The following RBPMS variants were observed in gnomAD, a reference collection of about 807,000 sequenced individuals.
RBPMS encodes the protein RNA-binding protein with multiple splicing.
A neutral mutation model predicts 26.8 loss-of-function variants in RBPMS; 7 were observed. That is an observed-to-expected ratio of 0.26 (90% CI 0.15 to 0.49). The LOEUF (loss-of-function observed/expected upper bound fraction) is 0.49. Ranked by LOEUF, RBPMS falls within the 20% of genes least tolerant of loss-of-function variation. The probability of loss-of-function intolerance (pLI) is 0.98; values close to 1 mark genes in which losing one functional copy is unlikely to be tolerated. For missense variants in RBPMS, 186 were observed against 250.0 expected (o/e 0.74, Z 1.73); for synonymous variants, 96 against 93.3 (o/e 1.03, Z -0.17).
At chr8:30,524,965 C>G (rs1213387318) in intron 5 of RBPMS, among the ~76,000 whole-genome samples, 2 of 152,080 alleles carry the variant, frequency 1.3e-5, no homozygotes, top group African/African-American at 2.4e-5. Context: ...ACCATTTTTG[C>G]TAGCACTTTA....
At chr8:30,459,013 G>A (rs1006022282) in intron 1 of RBPMS, among the ~76,000 whole-genome samples, 6 of 150,790 alleles carry the variant, frequency 4.0e-5, no homozygotes, top group African/African-American at 1.5e-4. Flanking sequence ...ACCCAAGCTG[G>A]GGTGCAGTGG....
chr8:30,512,452 GT>G (rs563689008), intron 5 of RBPMS, among the ~76,000 whole-genome samples: 1 of 151,622 alleles, frequency 6.6e-6, no homozygotes, highest in Non-Finnish European at 1.5e-5. Context: ...CCAAAGCATT[GT>G]TTTTTTTGTT....
chr8:30,477,346 G>A (rs1438393242), intron 2 of RBPMS, among the ~76,000 whole-genome samples: 1 of 152,156 alleles, frequency 6.6e-6, no homozygotes, highest in African/African-American at 2.4e-5. Flanking sequence ...ACCGCACCCA[G>A]CCCCAACTAT....
intron 5 of RBPMS, among the ~76,000 whole-genome samples, chr8:30,515,560 C>T (rs1313171260): frequency 6.6e-6 from 1 of 152,110 alleles, no homozygotes; most frequent in African/African-American, 2.4e-5. Flanking sequence ...AAACTAGATA[C>T]TAAAGAGATT....
At chr8:30,551,335 T>G (rs1166775307) in intron 6 of RBPMS, among the ~76,000 whole-genome samples, 1 of 152,220 alleles carries the variant, frequency 6.6e-6, no homozygotes, top group Non-Finnish European at 1.5e-5. Flanking sequence ...TAGGAGGAAA[T>G]GCCGTTCAGA....
intron 1 of RBPMS, among the ~76,000 whole-genome samples, chr8:30,449,413 C>A (rs1814278310): frequency 1.3e-5 from 2 of 149,190 alleles, no homozygotes; most frequent in African/African-American, 2.5e-5. Flanking sequence ...GACTCTTGCC[C>A]CGGCTGGAGT....
intron 8 of RBPMS, among the ~76,000 whole-genome samples, chr8:30,570,295 C>A (rs762872079): frequency 6.6e-6 from 1 of 152,186 alleles, no homozygotes; most frequent in Non-Finnish European, 1.5e-5. Flanking sequence ...TGATTGATTG[C>A]CTTCTGCATA....
At chr8:30,503,654 A>G (rs1347666251) in intron 4 of RBPMS, among the ~76,000 whole-genome samples, 5 of 152,020 alleles carry the variant, frequency 3.3e-5, no homozygotes, top group African/African-American at 4.8e-5. Context: ...CATTCAGAAC[A>G]CTAAATGGCA....
chr8:30,393,288 C>G (rs961962173), intron 1 of RBPMS, among the ~76,000 whole-genome samples: 6 of 151,616 alleles, frequency 4.0e-5, no homozygotes, highest in Non-Finnish European at 8.8e-5. Flanking sequence ...TTATAAACCT[C>G]CCAAACTTGC....
At chr8:30,387,160 G>A (rs1348422658) in intron 1 of RBPMS, 1 of 152,110 alleles carries the variant, frequency 6.6e-6, no homozygotes, top group African/African-American at 2.4e-5. Flanking sequence ...GGTCTTTTTA[G>A]CAAAACACTT....
At chr8:30,500,580 G>T (rs1259907777) in intron 4 of RBPMS, among the ~76,000 whole-genome samples, 1 of 152,120 alleles carries the variant, frequency 6.6e-6, no homozygotes, top group Non-Finnish European at 1.5e-5. Context: ...GACTGTATCA[G>T]GTATGAGGGT....
At chr8:30,450,111 C>T (rs1301159268) in intron 1 of RBPMS, among the ~76,000 whole-genome samples, 1 of 152,168 alleles carries the variant, frequency 6.6e-6, no homozygotes, top group African/African-American at 2.4e-5. Flanking sequence ...TTCCTTTTCC[C>T]AAATAACTTT....
At chr8:30,502,498 G>A (rs1043248587) in intron 4 of RBPMS, among the ~76,000 whole-genome samples, 2 of 152,202 alleles carry the variant, frequency 1.3e-5, no homozygotes, top group Non-Finnish European at 2.9e-5. Context: ...CTCAGGTTTA[G>A]GAAAGTTGCT....
At chr8:30,562,740 C>T (rs1346151228) in intron 7 of RBPMS, among the ~76,000 whole-genome samples, 2 of 152,154 alleles carry the variant, frequency 1.3e-5, no homozygotes, top group Non-Finnish European at 2.9e-5. Flanking sequence ...ATGGCTCTCT[C>T]CGTTCGGCGG....
chr8:30,481,563 G>C (rs1818281689), intron 4 of RBPMS, among the ~76,000 whole-genome samples: 1 of 151,358 alleles, frequency 6.6e-6, no homozygotes, highest in South Asian at 2.1e-4. Flanking sequence ...TTTTTCACTG[G>C]CAGTACGCCT....
chr8:30,546,573 A>C (rs1338536738), intron 6 of RBPMS, among the ~76,000 whole-genome samples: 1 of 152,182 alleles, frequency 6.6e-6, no homozygotes, highest in Non-Finnish European at 1.5e-5. Context: ...TGCACTGCCC[A>C]TGGTGGCACC....
At chr8:30,518,687 CTTTTTTTTT>C (rs58763494) in intron 5 of RBPMS, among the ~76,000 whole-genome samples, 585 of 18,254 alleles carry the variant, frequency 0.032, 28 homozygotes, top group East Asian at 0.14. Flanking sequence ...CCAAGCATGA[CTTTTTTTTT>C]TTTTTTTTTT....
chr8:30,557,523 C>T (rs1827048525), intron 6 of RBPMS, among the ~76,000 whole-genome samples: 1 of 152,226 alleles, frequency 6.6e-6, no homozygotes, highest in East Asian at 1.9e-4. Flanking sequence ...AGCTTTCCAC[C>T]AGTCCCTTCA....
At chr8:30,386,131 G>A (rs184394639) in intron 1 of RBPMS, among the ~76,000 whole-genome samples, 9 of 151,022 alleles carry the variant, frequency 6.0e-5, no homozygotes, top group Admixed American at 1.3e-4. Flanking sequence ...GAAAGTGCAC[G>A]TCTAAATATG....
Sources: allele counts gnomAD v4.1 joint callset (sites outside exome capture counted in the v4.1 genomes callset), GRCh38; gene constraint gnomAD v4.1.1; transcripts MANE v1.5; gene names NCBI Gene and HGNC (gene_info 2026-07-23, HGNC 2026-07-21).